RBFOX3: variants seen among roughly 807,000 people sequenced by gnomAD.
RBFOX3 encodes the protein RNA binding fox-1 homolog 3, also known as RNA binding protein fox-1 homolog 3.
Under a neutral mutation model 48.7 loss-of-function variants are expected in RBFOX3, and 17 were observed. That is an observed-to-expected ratio of 0.35 (90% CI 0.24 to 0.52). The LOEUF (loss-of-function observed/expected upper bound fraction) is 0.52, where lower values mean the gene tolerates loss of function less well. Among genes scored for constraint, RBFOX3 ranks in the 20% least tolerant of loss-of-function variants. The probability of loss-of-function intolerance (pLI) is 0.94; values close to 1 mark genes in which losing one functional copy is unlikely to be tolerated. For synonymous variants in RBFOX3, 212 were observed against 209.5 expected, an observed-to-expected ratio of 1.01 and a Z score of -0.10; for missense variants, 382 against 497.5, an observed-to-expected ratio of 0.77 and a Z score of 2.21.
intron 1 of RBFOX3, among the ~76,000 whole-genome samples, chr17:79,550,349 G>A (rs1031950736): frequency 6.6e-6 from 1 of 152,124 alleles, no homozygotes; most frequent in Non-Finnish European, 1.5e-5. Flanking sequence ...ATGGAATTGA[G>A]AGATTACGGT....
At chr17:79,224,232 G>A (rs1282305211) in intron 4 of RBFOX3, among the ~76,000 whole-genome samples, 1 of 152,100 alleles carries the variant, frequency 6.6e-6, no homozygotes, top group Non-Finnish European at 1.5e-5. Context: ...CAAGGACAGG[G>A]AATCCAGGCA....
Position 79,089,844 on chromosome 17 carries a change from A to G in RBFOX3, c.*1039T>C, listed in dbSNP as rs1268495617. 2 of 152,600 alleles carry G rather than the reference A, an allele frequency of 1.3e-5. No individual in the cohort carries two copies. The highest frequency in any genetic ancestry group is 4.8e-5 in the African/African-American group (2 of 41,550). The allele number at this position is 152,600 out of a possible 1,614,324, so 9.5% of individuals were successfully genotyped here. Reference sequence around the variant, plus strand: ...TGGACACCTGCCTTGGGAGCAGGGAAGGGGCCGGCCCAGGCTTCCCCATCC... The same window carrying G: ...TGGACACCTGCCTTGGGAGCAGGGAGGGGGCCGGCCCAGGCTTCCCCATCC... On this transcript the variant is annotated 3_prime_UTR_variant, in exon 15 of 15. Coordinates refer to ENST00000693108, the MANE Select transcript of RBFOX3 (RefSeq NM_001350451.2).
In RBFOX3 at chr17:79,382,882, A is replaced by T. The variant is rs535979073; in HGVS notation, c.-174-75058T>A. 3.7e-4 allele frequency among the ~76,000 whole-genome samples: 56 copies of T among 152,138 alleles called. 1 individual carries two copies. In the South Asian group the frequency reaches 0.011, roughly 30 times the overall value. On this transcript the variant is annotated intron_variant, in intron 2 of 14. Transcript: ENST00000693108. ...ATGGGGCATTTCCAGAACCTTGCTG[A>T]CCTCTTAATGAGGTTTAGGGTGGGG...
chr17:79,569,145 T>G (rs1568422468), intron 1 of RBFOX3, among the ~76,000 whole-genome samples: 1 of 151,954 alleles, frequency 6.6e-6, no homozygotes, highest in Non-Finnish European at 1.5e-5. Flanking sequence ...GTGGCCTTAA[T>G]TACATATCAA....
the RBFOX3 span, among the ~76,000 whole-genome samples, chr17:79,647,316 T>G: frequency 6.6e-6 from 1 of 152,038 alleles, no homozygotes; most frequent in African/African-American, 2.4e-5. Context: ...ATGGGTGAGT[T>G]CCTCTCTCCC....
chr17:79,253,441 T>G (rs12603454), intron 3 of RBFOX3, among the ~76,000 whole-genome samples: 35,761 of 152,166 alleles, frequency 0.24, 4,474 homozygotes, highest in Non-Finnish European at 0.29. Flanking sequence ...AATCTTTCTT[T>G]ATGGACCATT....
At chr17:79,508,449 G>A (rs949126819) in intron 1 of RBFOX3, among the ~76,000 whole-genome samples, 11 of 152,290 alleles carry the variant, frequency 7.2e-5, no homozygotes, top group African/African-American at 9.6e-5. Flanking sequence ...CTGACCGCCC[G>A]AGGCCGCCCA....
In RBFOX3 at chr17:79,480,152, G is replaced by A. The variant is rs1317879267; in HGVS notation, c.-175+2302C>T. On this transcript the variant is annotated intron_variant, in intron 2 of 14. Transcript: ENST00000693108. The surrounding 1 kb of genome is among the most constrained non-coding windows in gnomAD (Gnocchi z 4.8). ...CAGTGGGATTCCTGCCCTCTAAACAGTCACATTGCTGCTTCTCTGTCCCAT... is the reference window on the plus strand; with the variant it reads ...CAGTGGGATTCCTGCCCTCTAAACAATCACATTGCTGCTTCTCTGTCCCAT... Among the ~76,000 whole-genome samples, 1 of 152,182 alleles carries A rather than the reference G, an allele frequency of 6.6e-6. No individual in the cohort carries two copies.
Position 79,363,356 on chromosome 17 carries a change from A to G in RBFOX3, c.-174-55532T>C, listed in dbSNP as rs1291374797. The stretch of plus-strand genomic sequence containing the variant: ...TGGCAACGCCAGGGAGAGGAACAGG[A>G]TTCCTGGGATACCCAGGAAGTCTGT... On this transcript the variant is annotated intron_variant, in intron 2 of 14. Coordinates refer to ENST00000693108, the MANE Select transcript of RBFOX3 (RefSeq NM_001350451.2). This position sits in a 1 kb window ranked among gnomAD's most constrained non-coding sequence, Gnocchi z 4.7. Among the ~76,000 whole-genome samples, 1 of 152,048 alleles carries G rather than the reference A, an allele frequency of 6.6e-6. No homozygotes were observed. Among genetic ancestry groups the G allele is most frequent in the Admixed American group, 6.5e-5 (1 of 15,286 alleles).
intron 4 of RBFOX3, among the ~76,000 whole-genome samples, chr17:79,179,692 G>C (rs563311790): frequency 6.6e-6 from 1 of 152,196 alleles, no homozygotes; most frequent in Non-Finnish European, 1.5e-5. Context: ...TTTCGAGCTT[G>C]GGGTTTTTTC....
At chr17:79,582,912 C>T (rs1768795101) in intron 1 of RBFOX3, among the ~76,000 whole-genome samples, 1 of 152,050 alleles carries the variant, frequency 6.6e-6, no homozygotes, top group African/African-American at 2.4e-5. Flanking sequence ...CTCGTTCAGG[C>T]CTGTCTCAGC....
At chr17:79,127,396 G>A (rs375188959) in intron 4 of RBFOX3, among the ~76,000 whole-genome samples, 55 of 152,312 alleles carry the variant, frequency 3.6e-4, no homozygotes, top group East Asian at 1.2e-3. Flanking sequence ...TGTCCAGAGC[G>A]GTGAGGGAGG....
rs8066950 is a variant in RBFOX3 at position 79,173,440 on chromosome 17, C to A, written c.-33-57692G>T. ...TTGGAGGTCGTCTTCCTACTGCCAT[C>A]CCACCCTCTAGTCCTGCTAGCCCTG... is the stretch of plus-strand genomic sequence containing the variant. On this transcript the variant is annotated intron_variant, in intron 4 of 14. Coordinates refer to ENST00000693108, the MANE Select transcript of RBFOX3 (RefSeq NM_001350451.2). Among the ~76,000 whole-genome samples, 210 of 152,280 alleles carry A rather than the reference C, an allele frequency of 1.4e-3. 1 individual carries two copies. The highest frequency in any genetic ancestry group is 4.9e-3 in the African/African-American group (205 of 41,560).
chr17:79,404,271 C>T (rs1362129768), intron 2 of RBFOX3, among the ~76,000 whole-genome samples: 1 of 152,236 alleles, frequency 6.6e-6, no homozygotes, highest in Non-Finnish European at 1.5e-5. Flanking sequence ...CGGTGGGAGC[C>T]CTCCATGTCC....
intron 4 of RBFOX3, among the ~76,000 whole-genome samples, chr17:79,182,897 TC>T (rs1757182128): frequency 7.0e-6 from 1 of 143,314 alleles, no homozygotes; most frequent in African/African-American, 2.6e-5. Flanking sequence ...CCGCCCCGAG[TC>T]CCCAGCGGCC....
At chr17:79,097,147 G>T (rs900443521) in intron 11 of RBFOX3, 145 bp downstream of exon 11, 2 of 729,468 alleles carry the variant, frequency 2.7e-6, no homozygotes. Context: ...CAGCTGCAGG[G>T]CTGAGTTCTG....
At chr17:79,607,132 G>C (rs971617318) in intron 1 of RBFOX3, among the ~76,000 whole-genome samples, 2 of 152,154 alleles carry the variant, frequency 1.3e-5, no homozygotes, top group African/African-American at 4.8e-5. Flanking sequence ...TATAAAGCCG[G>C]TGCCTTGTGC....
chr17:79,497,445 T>A (rs2081705637), intron 1 of RBFOX3, among the ~76,000 whole-genome samples: 1 of 152,008 alleles, frequency 6.6e-6, no homozygotes, highest in Admixed American at 6.6e-5. Context: ...GCAATACGTT[T>A]GGGAAAAAAA....
chr17:79,181,962 AACACACACACACACACACACACAC>A (rs56842759), intron 4 of RBFOX3, among the ~76,000 whole-genome samples: 2 of 148,298 alleles, frequency 1.3e-5, no homozygotes, highest in Admixed American at 1.3e-4. Context: ...GTCTCCAAGA[AACACACACACACACACACACACAC>A]ACACACACAC....
Sources: gnomAD v4.1 joint callset for allele counts (sites outside exome capture counted in the v4.1 genomes callset) on GRCh38, gnomAD v4.1.1 for gene constraint, Gnocchi (gnomAD v3.1) non-coding constraint, MANE v1.5 for transcripts, NCBI Gene and HGNC (gene_info 2026-07-23, HGNC 2026-07-21) for gene names.